The following ANKRD62 variants were observed in gnomAD, a reference collection of about 807,000 sequenced individuals.
ANKRD62 encodes the protein ankyrin repeat domain-containing protein 62.
A neutral mutation model predicts 98.8 loss-of-function variants in ANKRD62; 61 were observed. That is an observed-to-expected ratio of 0.62 (90% CI 0.50 to 0.76). The LOEUF (loss-of-function observed/expected upper bound fraction) is 0.76. Among genes scored for constraint, ANKRD62 ranks in the 30% least tolerant of loss-of-function variants. The pLI is 0.00. For synonymous variants in ANKRD62, 341 were observed against 367.9 expected (o/e 0.93, Z 0.84); for missense variants, 933 against 1,082.9 (o/e 0.86, Z 1.94).
chr18:12,152,955 G>GCAGCTGATAAA, the ANKRD62 span, among the ~76,000 whole-genome samples: 1 of 152,162 alleles, frequency 6.6e-6, no homozygotes, highest in Non-Finnish European at 1.5e-5. Flanking sequence ...AACAACTTTA[G>GCAGCTGATAAA]CAGTCTGAGT....
downstream of ANKRD62, among the ~76,000 whole-genome samples, chr18:12,132,242 A>G (rs1910016506): frequency 6.6e-6 from 1 of 152,130 alleles, no homozygotes; most frequent in South Asian, 2.1e-4. Context: ...TAACATATAG[A>G]ATTACGATTG....
chr18:12,118,917 G>A (rs1162528382), intron 10 of ANKRD62, among the ~76,000 whole-genome samples: 1 of 152,036 alleles, frequency 6.6e-6, no homozygotes, highest in Non-Finnish European at 1.5e-5. Context: ...GTGAGTTGGG[G>A]TGTACTCTTT....
the ANKRD62 span, among the ~76,000 whole-genome samples, chr18:12,150,165 A>G: frequency 1.3e-5 from 2 of 152,246 alleles, no homozygotes; most frequent in Non-Finnish European, 2.9e-5. Flanking sequence ...TGCAATTGCA[A>G]GTATTAACAG....
chr18:12,094,017 G>T lies in ANKRD62; in HGVS notation c.-1G>T. The T allele has an allele frequency of 1.3e-6, 2 of 1,535,004 alleles. No individual in the cohort carries two copies. Among genetic ancestry groups the T allele is most frequent in the South Asian group, 2.4e-5 (2 of 84,002 alleles). ...CCTGGGAGAAGATCTCTGGCTTCAG[G>T]ATGGAGGTCAGGGGGTCGTTCCTGG... is the stretch of plus-strand genomic sequence containing the variant. On this transcript the variant is annotated 5_prime_UTR_variant, in exon 1 of 14. Transcript: ENST00000587848.
chr18:12,160,385 G>A, the ANKRD62 span, among the ~76,000 whole-genome samples: 1 of 152,126 alleles, frequency 6.6e-6, no homozygotes, highest in Non-Finnish European at 1.5e-5. Context: ...TAGCTGATAA[G>A]CATTTCATAG....
Position 12,113,045 on chromosome 18 carries a change from C to T in ANKRD62, c.1065-2043C>T, listed in dbSNP as rs80045572. On this transcript the variant is annotated intron_variant, in intron 8 of 13. Transcript: ENST00000587848. ...GAGTAACTGGGACTACAGGCATGCC[C>T]TACCACACCCTGCTAATTTTTGTAT... 5.1e-3 allele frequency among the ~76,000 whole-genome samples: 772 copies of T among 152,214 alleles called. 6 individuals are homozygous for T. The highest frequency in any genetic ancestry group is 0.018 in the African/African-American group (740 of 41,526).
chr18:12,106,333 C>T lies in ANKRD62; in HGVS notation c.892-962C>T, dbSNP rs187424977. Among the ~76,000 whole-genome samples, 159 of 152,142 alleles carry T rather than the reference C, an allele frequency of 1.0e-3. 1 individual carries two copies. The highest frequency in any genetic ancestry group is 4.7e-4 in the Non-Finnish European group (32 of 67,966). Reference sequence around the variant, plus strand: ...TGACTCCAAAGTAGCAACATGATTTCGGTACATCGAGTTTTAAAGATAGAC... The same window carrying T: ...TGACTCCAAAGTAGCAACATGATTTTGGTACATCGAGTTTTAAAGATAGAC... On this transcript the variant is annotated intron_variant, in intron 7 of 13. Coordinates refer to ENST00000587848, the MANE Select transcript of ANKRD62 (RefSeq NM_001277333.2).
chr18:12,135,770 G>C, the ANKRD62 span, among the ~76,000 whole-genome samples: 1 of 151,804 alleles, frequency 6.6e-6, no homozygotes, highest in Non-Finnish European at 1.5e-5. Flanking sequence ...TTGTGGTTTT[G>C]ATTTGCATTT....
chr18:12,096,659 C>G (rs940828992), intron 4 of ANKRD62, among the ~76,000 whole-genome samples: 1 of 152,106 alleles, frequency 6.6e-6, no homozygotes, highest in African/African-American at 2.4e-5. Context: ...TTTCTTAACT[C>G]TTTTATAGTA....
rs912834752 is a variant in ANKRD62 at position 12,096,271 on chromosome 18, C to A, written c.583C>A (p.Pro195Thr). Residue 195 changes from proline (P) to threonine (T), a missense_variant, in exon 4 of 14, where the codon CCA becomes ACA. This residue lies in a region of ANKRD62 where 549 missense variants were observed against 587.9 expected (regional missense o/e 0.93). Coordinates refer to ENST00000587848, the MANE Select transcript of ANKRD62 (RefSeq NM_001277333.2). ...QMVAFLLKKK[P>T]DLTAIDNFGR... is the part of the protein sequence containing the mutation. ...GGTGGCATTTTTGTTGAAGAAAAAA[C>A]CAGATTTAACTGCAATAGATAATTT... 4.3e-5 allele frequency: 66 copies of A among 1,532,676 alleles called. No homozygotes were observed. The highest frequency in any genetic ancestry group is 1.2e-4 in the Admixed American group (6 of 50,812). The allele number at this position is 1,532,676 out of a possible 1,614,324, so 94.9% of individuals were successfully genotyped here. A position where few individuals can be genotyped will look rare whatever the true frequency, so the allele number is the denominator to read the frequency against.
chr18:12,117,503 C>T lies in ANKRD62; in HGVS notation c.1240+1969C>T, dbSNP rs118007011. Among the ~76,000 whole-genome samples, 499 of 152,290 alleles carry T rather than the reference C, an allele frequency of 3.3e-3. 11 individuals carry two copies. In the East Asian group the frequency reaches 0.036, roughly 11 times the overall value. On this transcript the variant is annotated intron_variant, in intron 10 of 13. Transcript: ENST00000587848. ...AACTAGACTCTTCAGAACAATGCTG[C>T]ATAAAAGCAGTGAAAGCAGACATTC...
chr18:12,098,375 A>C (rs571121039), intron 5 of ANKRD62: 2 of 152,412 alleles, frequency 1.3e-5, no homozygotes, highest in Non-Finnish European at 2.9e-5. Context: ...GACTGAACAG[A>C]GCCAAGCTTC....
intron 11 of ANKRD62, among the ~76,000 whole-genome samples, chr18:12,123,657 GATAC>G (rs1172756242): frequency 6.6e-6 from 1 of 152,154 alleles, no homozygotes; most frequent in African/African-American, 2.4e-5. Flanking sequence ...GTCATCTGGA[GATAC>G]ATGTTGCAAG....
At chr18:12,153,607 A>AGAAAG in the ANKRD62 span, among the ~76,000 whole-genome samples, 1 of 141,042 alleles carries the variant, frequency 7.1e-6, no homozygotes, top group African/African-American at 2.7e-5. Flanking sequence ...AAAAAAAAAA[A>AGAAAG]AAAGAAAGAA....
intron 10 of ANKRD62, among the ~76,000 whole-genome samples, chr18:12,121,501 A>T (rs7240131): frequency 0.31 from 46,936 of 151,650 alleles, 7,919 homozygotes; most frequent in Middle Eastern, 0.4. Context: ...TCATTATTCC[A>T]CTAAATACTT....
At chr18:12,133,645 A>C (rs1014973140), downstream of ANKRD62, among the ~76,000 whole-genome samples, 3 of 151,934 alleles carry the variant, frequency 2.0e-5, no homozygotes, top group African/African-American at 7.3e-5. Flanking sequence ...CCATCCTTTC[A>C]TGTGGTTACT....
chr18:12,127,154 G>C (rs921015283), intron 13 of ANKRD62, among the ~76,000 whole-genome samples: 6 of 152,160 alleles, frequency 3.9e-5, no homozygotes, highest in African/African-American at 1.4e-4. Context: ...ACAAAGATCA[G>C]CTTAGCTGTC....
Position 12,126,135 on chromosome 18 carries a change from G to T in ANKRD62, c.2314G>T (p.Val772Leu), listed in dbSNP as rs1408648906. 1.3e-6 allele frequency: 2 copies of T among 1,536,112 alleles called. No homozygotes were observed. The highest frequency in any genetic ancestry group is 2.4e-5 in the South Asian group (2 of 84,066). Residue 772 changes from valine (V) to leucine (L), a missense_variant, in exon 13 of 14, where the codon GTA (valine) becomes TTA (leucine). This residue lies in a region of ANKRD62 where 362 missense variants were observed against 434.5 expected (regional missense o/e 0.83). Coordinates refer to ENST00000587848, the MANE Select transcript of ANKRD62 (RefSeq NM_001277333.2). Reference protein sequence around the residue: ...LEKYVRKQQSVEDGLFQLQSQ... With the variant: ...LEKYVRKQQSLEDGLFQLQSQ... Reference sequence around the variant, plus strand: ...AAAATACGTGAGAAAGCAGCAATCTGTAGAGGATGGACTATTTCAACTACA... The same window carrying T: ...AAAATACGTGAGAAAGCAGCAATCTTTAGAGGATGGACTATTTCAACTACA...
At chr18:12,173,456 TC>T in the ANKRD62 span, among the ~76,000 whole-genome samples, 1 of 152,254 alleles carries the variant, frequency 6.6e-6, no homozygotes, top group Non-Finnish European at 1.5e-5. Flanking sequence ...AGCTTGCCAC[TC>T]TGTGCCTTTT....
Sources: gnomAD v4.1 joint callset for allele counts (sites outside exome capture counted in the v4.1 genomes callset) on GRCh38, gnomAD v4.1.1 for gene constraint, gnomAD v4.1.1 regional missense constraint, MANE v1.5 for transcripts, NCBI Gene and HGNC (gene_info 2026-07-23, HGNC 2026-07-21) for gene names.